Variants in LARP4B observed in about 807,000 individuals in gnomAD.
LARP4B encodes la-related protein 4B.
LARP4B carries 12 observed loss-of-function variants against 89.8 expected under a neutral mutation model. The observed-to-expected ratio is 0.13, with a 90% CI of 0.09 to 0.22. The LOEUF (loss-of-function observed/expected upper bound fraction) is 0.22. LARP4B is among the 10% of genes least tolerant of loss of function. The pLI is 1.00. For missense variants in LARP4B, 757 were observed against 947.7 expected, an observed-to-expected ratio of 0.80 and a Z score of 2.64; for synonymous variants, 367 against 363.3, an observed-to-expected ratio of 1.01 and a Z score of -0.12.
intron 11 of LARP4B, among the ~76,000 whole-genome samples, chr10:827,186 G>A (rs961284935): frequency 1.3e-5 from 2 of 152,150 alleles, no homozygotes; most frequent in African/African-American, 4.8e-5. Flanking sequence ...TGAGGCAGGA[G>A]AATGGCGTGA....
chr10:885,643 G>C lies in LARP4B; in HGVS notation c.79C>G (p.Leu27Val), dbSNP rs1240984873. Residue 27 changes from leucine (L) to valine (V), a missense_variant and splice_region_variant, in exon 2 of 18, where the codon CTG (leucine) becomes GTG (valine). Leu to Val is a conservative substitution (Grantham distance 32). Coordinates refer to ENST00000316157, the MANE Select transcript of LARP4B (RefSeq NM_015155.3). ...CCACCCCATTCGACAGCACCCACCA[G>C]ATGAGCGCTGTCCTTGCCCTCCTGG... is the stretch of plus-strand genomic sequence containing the variant. ...RVQEGKDSAH[L>V]MNGPISQTTS... 1.9e-6 allele frequency: 3 copies of C among 1,613,428 alleles called. No individual in the cohort carries two copies. In the African/African-American group the frequency reaches 4.0e-5, roughly 22 times the overall value.
chr10:980,976 C>T, the LARP4B span, among the ~76,000 whole-genome samples: 2 of 152,334 alleles, frequency 1.3e-5, 1 homozygote, highest in Non-Finnish European at 2.9e-5. Context: ...TTCTTTGCTC[C>T]CCCATCTGAG....
At chr10:866,387 G>A (rs1266142759) in intron 3 of LARP4B, among the ~76,000 whole-genome samples, 1 of 152,156 alleles carries the variant, frequency 6.6e-6, no homozygotes, top group East Asian at 1.9e-4. Flanking sequence ...TCCAACAAGT[G>A]CCTCTGACAT....
At chr10:958,686 G>A in the LARP4B span, among the ~76,000 whole-genome samples, 7 of 152,310 alleles carry the variant, frequency 4.6e-5, no homozygotes, top group South Asian at 6.2e-4. Context: ...CTGAAGGGAC[G>A]GGTGAATCCG....
intron 1 of LARP4B, among the ~76,000 whole-genome samples, chr10:904,798 T>G (rs550949129): frequency 1.2e-4 from 18 of 152,248 alleles, no homozygotes; most frequent in Middle Eastern, 3.4e-3. Flanking sequence ...TGTCATGTTC[T>G]TTACTGCTGA....
intron 8 of LARP4B, 90 bp downstream of exon 8, chr10:836,313 C>A: frequency 1.1e-6 from 1 of 882,880 alleles, no homozygotes; most frequent in South Asian, 1.5e-5. Flanking sequence ...AAACACACAG[C>A]CCAAAAAAAC....
intron 3 of LARP4B, chr10:872,892 A>G: frequency 1.6e-5 from 4 of 245,216 alleles, no homozygotes; most frequent in Non-Finnish European, 2.6e-5. Context: ...AGAGGGTTCA[A>G]TGACTGCTTG....
chr10:892,071 T>C (rs553288079), intron 1 of LARP4B, among the ~76,000 whole-genome samples: 15 of 152,232 alleles, frequency 9.9e-5, no homozygotes, highest in African/African-American at 3.4e-4. Context: ...AAATATTCAA[T>C]GGGAGAAAAG....
intron 1 of LARP4B, among the ~76,000 whole-genome samples, chr10:908,238 T>C (rs368425800): frequency 3.9e-5 from 6 of 152,052 alleles, no homozygotes; most frequent in African/African-American, 1.2e-4. Flanking sequence ...AGGACTCGGT[T>C]TGGGGAGCTT....
At chr10:861,130 T>C (rs916590427) in intron 5 of LARP4B, among the ~76,000 whole-genome samples, 1 of 152,070 alleles carries the variant, frequency 6.6e-6, no homozygotes, top group African/African-American at 2.4e-5. Context: ...CATTCCAGCC[T>C]GGGTGACACA....
At chr10:920,707 G>A (rs1836955208) in intron 1 of LARP4B, among the ~76,000 whole-genome samples, 1 of 152,116 alleles carries the variant, frequency 6.6e-6, no homozygotes, top group South Asian at 2.1e-4. Context: ...AGGAGGTGAT[G>A]ATTGCAGTGA....
rs1018377920 is a variant in LARP4B, at chr10:873,409, G to C, written c.142-9139C>G. The C allele has an allele frequency of 3.0e-6, 3 of 984,960 alleles. No individual in the cohort carries two copies. The African/African-American group carries it at 5.2e-5, about 17-fold the overall frequency. 61.0% of individuals were successfully genotyped at this position (984,960 alleles called of 1,614,324 possible). A position where few individuals can be genotyped will look rare whatever the true frequency, so the allele number is the denominator to read the frequency against. The stretch of plus-strand genomic sequence containing the variant: ...AGAACAGCAGCAAGAATGCTGCGCT[G>C]TATTTTTTCTTACTCTCATAAACTC... On this transcript the variant is annotated intron_variant, in intron 3 of 17. Transcript: ENST00000316157.
chr10:846,531 T>C (rs554089167), intron 5 of LARP4B, among the ~76,000 whole-genome samples: 11 of 151,874 alleles, frequency 7.2e-5, no homozygotes, highest in Admixed American at 2.0e-4. Context: ...AGTCCAGCAG[T>C]AGGAGGCCAG....
intron 3 of LARP4B, among the ~76,000 whole-genome samples, chr10:876,955 C>T (rs1209284754): frequency 6.6e-6 from 1 of 152,182 alleles, no homozygotes; most frequent in Non-Finnish European, 1.5e-5. Context: ...AGGTTTATGA[C>T]TTGTACCTTC....
chr10:919,307 A>T (rs1451295042), intron 1 of LARP4B, among the ~76,000 whole-genome samples: 1 of 152,192 alleles, frequency 6.6e-6, no homozygotes, highest in East Asian at 1.9e-4. Flanking sequence ...TATTACTTGC[A>T]AAAGGCTTAT....
At chr10:856,224 T>C (rs117434466) in intron 5 of LARP4B, among the ~76,000 whole-genome samples, 3 of 152,312 alleles carry the variant, frequency 2.0e-5, no homozygotes, top group East Asian at 3.9e-4. Context: ...ACAAAGTACA[T>C]TGCGTATCTG....
At chr10:824,799 G>A (rs1588861402) in intron 13 of LARP4B, among the ~76,000 whole-genome samples, 1 of 152,358 alleles carries the variant, frequency 6.6e-6, no homozygotes, top group East Asian at 1.9e-4. Flanking sequence ...GGAGACTGCA[G>A]GCACATGGGA....
chr10:827,756 A>G (rs1832706859), intron 11 of LARP4B, among the ~76,000 whole-genome samples: 1 of 152,176 alleles, frequency 6.6e-6, no homozygotes, highest in Non-Finnish European at 1.5e-5. Flanking sequence ...CTAGCATGGC[A>G]AGCCACGTGC....
At chr10:820,964 C>T in intron 13 of LARP4B, 119 bp from the exon 14 acceptor site, 5 of 836,426 alleles carry the variant, frequency 6.0e-6, no homozygotes, top group Non-Finnish European at 9.4e-6. Context: ...CACTTTGAAA[C>T]CTTTCAAAGA....
Sources: gnomAD v4.1 joint callset for allele counts (sites outside exome capture counted in the v4.1 genomes callset) on GRCh38, gnomAD v4.1.1 for gene constraint, MANE v1.5 for transcripts, NCBI Gene and HGNC (gene_info 2026-07-23, HGNC 2026-07-21) for gene names.